NDC80: variants seen among roughly 807,000 people sequenced by gnomAD.
The protein encoded by NDC80 is kinetochore protein NDC80 homolog.
A neutral mutation model predicts 89.3 loss-of-function variants in NDC80; 69 were observed. The observed-to-expected ratio is 0.77, with a 90% CI of 0.64 to 0.94. The LOEUF is 0.94. NDC80 is among the 40% of genes least tolerant of loss of function. The probability of loss-of-function intolerance (pLI) is 0.00; values close to 1 mark genes in which losing one functional copy is unlikely to be tolerated. For synonymous variants in NDC80, 243 were observed against 255.6 expected, an observed-to-expected ratio of 0.95 and a Z score of 0.47; for missense variants, 593 against 739.6, an observed-to-expected ratio of 0.80 and a Z score of 2.30.
At chr18:2,603,162 T>C (rs1040954432) in intron 13 of NDC80, among the ~76,000 whole-genome samples, 33 of 151,772 alleles carry the variant, frequency 2.2e-4, no homozygotes, top group Non-Finnish European at 3.2e-4. Flanking sequence ...AAAATACAGA[T>C]TTGATGGTCA....
rs769626120 is a variant in NDC80 at position 2,578,138 on chromosome 18, T to C, written c.473T>C (p.Leu158Pro). The change falls in exon 5 of 17, where the codon CTT becomes CCT. Residue 158 changes from leucine to proline, a missense_variant. Coordinates refer to ENST00000261597, the MANE Select transcript of NDC80 (RefSeq NM_006101.3). ...EEEVPRIFKDLGYPFALSKSS... is the reference protein window; with the variant it reads ...EEEVPRIFKDPGYPFALSKSS... The stretch of plus-strand genomic sequence containing the variant: ...GAGGTTCCAAGAATCTTTAAAGACC[T>C]TGGGTATGTATATTTCTTATTAGTT... 1.9e-6 allele frequency: 3 copies of C among 1,613,036 alleles called. No individual in the cohort carries two copies. Among genetic ancestry groups the C allele is most frequent in the South Asian group, 2.2e-5 (2 of 91,034 alleles).
At chr18:2,614,470 AGAAAG>A in intron 16 of NDC80, 1 of 7,882 alleles carries the variant, frequency 1.3e-4, no homozygotes, top group African/African-American at 5.0e-4. Flanking sequence ...AAAGAAAGAA[AGAAAG>A]AAAGAAAGGA....
chr18:2,610,672 TG>T lies in NDC80; in HGVS notation c.1689-86del, dbSNP rs1458273341. ...TAAATCAATCACAGTTTGGTTTTTT[TG>T]AATGTGGAAATGGGAAGTGAGCTAA... On this transcript the variant is annotated intron_variant, in intron 15 of 16. Transcript: ENST00000261597. The T allele has an allele frequency of 2.3e-5, 18 of 781,650 alleles. No individual in the cohort carries two copies. The African/African-American group carries it at 3.2e-4, about 14-fold the overall frequency. 48.4% of individuals were successfully genotyped at this position (781,650 alleles called of 1,614,324 possible).
intron 10 of NDC80, 34 bp downstream of exon 10, chr18:2,590,196 G>T (rs200164537): frequency 1.3e-6 from 2 of 1,530,638 alleles, no homozygotes; most frequent in African/African-American, 1.4e-5. Flanking sequence ...ACTGGGATGC[G>T]AACCTGTGTG....
intron 3 of NDC80, 29 bp from the exon 4 acceptor site, chr18:2,577,717 T>G: frequency 6.2e-7 from 1 of 1,609,672 alleles, no homozygotes; most frequent in Non-Finnish European, 8.5e-7. Context: ...CAAATAGTTT[T>G]AACTGGCTGT....
intron 16 of NDC80, among the ~76,000 whole-genome samples, chr18:2,614,781 C>G (rs149860008): frequency 1.4e-3 from 208 of 152,256 alleles, no homozygotes; most frequent in African/African-American, 4.7e-3. Context: ...TCATGTCTAT[C>G]CTAAATCACA....
chr18:2,596,418 T>C (rs368837999), intron 11 of NDC80, among the ~76,000 whole-genome samples: 2,351 of 150,658 alleles, frequency 0.016, 57 homozygotes, highest in African/African-American at 0.054. Context: ...AAAAAACACA[T>C]GAAAAAATGC....
intron 9 of NDC80, among the ~76,000 whole-genome samples, 165 bp downstream of exon 9, chr18:2,589,475 C>T (rs2072616906): frequency 6.6e-6 from 1 of 152,134 alleles, no homozygotes; most frequent in African/African-American, 2.4e-5. Flanking sequence ...TGTTTGGTAT[C>T]TGTGGAGCCT....
rs762639402 is a variant in NDC80, at chr18:2,578,915, G to A, written c.477-12G>A. ...ACATTAAATTAGCTTATGTTTTTCT[G>A]ATTTCTCATAGGTATCCTTTTGCAC... On this transcript the variant is annotated splice_polypyrimidine_tract_variant and intron_variant, in intron 5 of 16. Coordinates refer to ENST00000261597, the MANE Select transcript of NDC80 (RefSeq NM_006101.3). The A allele has an allele frequency of 6.4e-5, 90 of 1,407,760 alleles. No homozygotes were observed. In the South Asian group the frequency reaches 1.2e-3, roughly 18 times the overall value. 87.2% of individuals were successfully genotyped at this position (1,407,760 alleles called of 1,614,324 possible).
intron 11 of NDC80, among the ~76,000 whole-genome samples, chr18:2,597,038 G>C (rs1298669381): frequency 1.3e-5 from 2 of 152,010 alleles, no homozygotes; most frequent in Non-Finnish European, 2.9e-5. Context: ...GGGTGGGGGA[G>C]AGGGGAGGGA....
intron 16 of NDC80, among the ~76,000 whole-genome samples, chr18:2,612,314 T>G (rs1274928131): frequency 2.8e-5 from 3 of 108,990 alleles, no homozygotes; most frequent in African/African-American, 3.6e-5. Context: ...TTTTTTGAGA[T>G]AGCCTCACTC....
At position 2,601,501 on chromosome 18, in the gene NDC80, TA is replaced by T; in HGVS notation, c.1464+21del. On this transcript the variant is annotated intron_variant, in intron 13 of 16. Coordinates refer to ENST00000261597, the MANE Select transcript of NDC80 (RefSeq NM_006101.3). ...TTTAGAACAAGTAAGTAATAAAACA[TA>T]AAAAGTCATAAAAAGTGAAAATTAG... 9.2e-7 allele frequency: 1 copy of T among 1,081,164 alleles called. No homozygotes were observed. The highest frequency in any genetic ancestry group is 1.3e-6 in the Non-Finnish European group (1 of 775,466). 67.0% of individuals were successfully genotyped at this position (1,081,164 alleles called of 1,614,324 possible).
chr18:2,581,835 A>G lies in NDC80; in HGVS notation c.579+2806A>G, dbSNP rs574449566. On this transcript the variant is annotated intron_variant, in intron 6 of 16. Transcript: ENST00000261597. ...CTTACTTCTTTTCACAATGTTAGCTATTGTCGTATCCTCACTCTCTAAATT... is the reference window on the plus strand; with the variant it reads ...CTTACTTCTTTTCACAATGTTAGCTGTTGTCGTATCCTCACTCTCTAAATT... Among the ~76,000 whole-genome samples the G allele has an allele frequency of 7.2e-5, 11 of 152,166 alleles. No homozygotes were observed. The South Asian group carries it at 2.3e-3, about 32-fold the overall frequency.
At chr18:2,597,158 T>C (rs1179031754) in intron 11 of NDC80, among the ~76,000 whole-genome samples, 1 of 151,816 alleles carries the variant, frequency 6.6e-6, no homozygotes, top group African/African-American at 2.4e-5. Context: ...ACATGTACCC[T>C]AAAACTTAAA....
intron 13 of NDC80, among the ~76,000 whole-genome samples, chr18:2,605,722 T>TA (rs375999579): frequency 4.0e-5 from 6 of 151,848 alleles, no homozygotes; most frequent in African/African-American, 9.7e-5. Context: ...AATTATCCTT[T>TA]AAAAAAAAGT....
chr18:2,574,884 T>A, intron 2 of NDC80, 105 bp from the exon 3 acceptor site: 1 of 706,832 alleles, frequency 1.4e-6, no homozygotes, highest in Admixed American at 2.9e-5. Context: ...TTGAATTATT[T>A]TTATAGCTAG....
At chr18:2,572,355 A>G (rs1055463183) in intron 1 of NDC80, among the ~76,000 whole-genome samples, 2 of 152,172 alleles carry the variant, frequency 1.3e-5, no homozygotes, top group African/African-American at 4.8e-5. Flanking sequence ...ATGTGAAGGG[A>G]GTGACCTGTT....
At chr18:2,614,568 A>AAGGAAGGAAGGAAGGAAGG (rs2072768438) in intron 16 of NDC80, 1 of 5,820 alleles carries the variant, frequency 1.7e-4, no homozygotes, top group Admixed American at 1.9e-3. Context: ...AGGAAGGGAA[A>AAGGAAGGAAGGAAGGAAGG]GAAAGAAAGA....
At chr18:2,611,469 T>C (rs1297749994) in intron 16 of NDC80, among the ~76,000 whole-genome samples, 1 of 152,236 alleles carries the variant, frequency 6.6e-6, no homozygotes, top group East Asian at 1.9e-4. Flanking sequence ...TGAAAACATA[T>C]TAGTACATTT....
Sources: gnomAD v4.1 joint callset for allele counts (sites outside exome capture counted in the v4.1 genomes callset) on GRCh38, gnomAD v4.1.1 for gene constraint, MANE v1.5 for transcripts, NCBI Gene and HGNC (gene_info 2026-07-23, HGNC 2026-07-21) for gene names.